CNTN1: variants seen among roughly 807,000 people sequenced by gnomAD.
CNTN1 encodes the protein contactin 1.
Under a neutral mutation model 126.4 loss-of-function variants are expected in CNTN1, and 38 were observed. The ratio of observed to expected loss-of-function variants is 0.30; its 90% CI spans 0.23 to 0.39. The LOEUF (loss-of-function observed/expected upper bound fraction) is 0.39, where lower values mean the gene tolerates loss of function less well. Among genes scored for constraint, CNTN1 ranks in the 10% least tolerant of loss-of-function variants. The probability of loss-of-function intolerance (pLI) is 1.00; values close to 1 mark genes in which losing one functional copy is unlikely to be tolerated. For synonymous variants in CNTN1, 413 were observed against 422.6 expected, an observed-to-expected ratio of 0.98 and a Z score of 0.28; for missense variants, 1,009 against 1,248.4, an observed-to-expected ratio of 0.81 and a Z score of 2.89.
Position 40,877,156 on chromosome 12 carries a change from C to T in CNTN1, c.-76-31201C>T, listed in dbSNP as rs185434284. Among the ~76,000 whole-genome samples the T allele has an allele frequency of 3.9e-5, 6 of 152,254 alleles. No homozygotes were observed. The East Asian group carries it at 9.7e-4, about 24-fold the overall frequency. ...ACCATCTGACAATTTGCTATTATAG[C>T]TAGACTAACATTAAGATTTAAGTAT... On this transcript the variant is annotated intron_variant, in intron 1 of 23. Coordinates refer to ENST00000551295, the MANE Select transcript of CNTN1 (RefSeq NM_001843.4).
At chr12:40,845,451 C>G (rs925230749) in intron 1 of CNTN1, among the ~76,000 whole-genome samples, 7 of 152,064 alleles carry the variant, frequency 4.6e-5, no homozygotes, top group African/African-American at 1.7e-4. Context: ...CAAAATTATA[C>G]TATTTATTGT....
At chr12:40,832,051 T>C (rs1941859625) in intron 1 of CNTN1, among the ~76,000 whole-genome samples, 1 of 152,284 alleles carries the variant, frequency 6.6e-6, no homozygotes, top group East Asian at 1.9e-4. Context: ...ATGGGTGGTG[T>C]AGTTGAGAAT....
At chr12:40,953,734 T>C (rs1180487082) in intron 14 of CNTN1, among the ~76,000 whole-genome samples, 1 of 152,034 alleles carries the variant, frequency 6.6e-6, no homozygotes, top group Non-Finnish European at 1.5e-5. Context: ...TAATATAATG[T>C]ATTCTAGGAT....
At chr12:40,819,008 C>A (rs1209277240) in intron 1 of CNTN1, among the ~76,000 whole-genome samples, 1 of 152,158 alleles carries the variant, frequency 6.6e-6, no homozygotes, top group African/African-American at 2.4e-5. Flanking sequence ...CCTGTGCCTG[C>A]AGATATGATT....
chr12:41,060,774 T>A (rs1366861901), intron 23 of CNTN1, among the ~76,000 whole-genome samples: 2 of 152,186 alleles, frequency 1.3e-5, no homozygotes, highest in African/African-American at 4.8e-5. Flanking sequence ...ATGAAACCCA[T>A]TATACATAAT....
chr12:40,922,877 A>G (rs967014187), intron 5 of CNTN1, among the ~76,000 whole-genome samples: 1 of 151,062 alleles, frequency 6.6e-6, no homozygotes, highest in African/African-American at 2.4e-5. Context: ...AGGCTGAGGC[A>G]GGAGAATTGA....
At chr12:40,851,488 C>G (rs1455357668) in intron 1 of CNTN1, among the ~76,000 whole-genome samples, 1 of 152,208 alleles carries the variant, frequency 6.6e-6, no homozygotes, top group African/African-American at 2.4e-5. Flanking sequence ...TCTGCTGGGA[C>G]ATCTATCTTT....
At chr12:41,017,099 T>A (rs1292157174) in intron 19 of CNTN1, among the ~76,000 whole-genome samples, 183 bp downstream of exon 19, 1 of 152,212 alleles carries the variant, frequency 6.6e-6, no homozygotes, top group African/African-American at 2.4e-5. Flanking sequence ...ATGATGAGAA[T>A]GTTGCTAGAG....
chr12:40,906,562 G>A (rs923566591), intron 1 of CNTN1, among the ~76,000 whole-genome samples: 1 of 151,922 alleles, frequency 6.6e-6, no homozygotes, highest in African/African-American at 2.4e-5. Flanking sequence ...TAATAGTATG[G>A]TGCAAGCAAT....
intron 1 of CNTN1, among the ~76,000 whole-genome samples, chr12:40,807,146 G>A (rs892708739): frequency 4.7e-4 from 72 of 151,940 alleles, no homozygotes; most frequent in African/African-American, 1.6e-3. Flanking sequence ...GGCTGGGATC[G>A]AGAAGCATAA....
chr12:40,991,139 C>T (rs1199242191), intron 16 of CNTN1, among the ~76,000 whole-genome samples: 26 of 152,124 alleles, frequency 1.7e-4, no homozygotes, highest in Admixed American at 1.7e-3. Context: ...AGGGCTGCAT[C>T]CTCTCCAAAG....
intron 1 of CNTN1, among the ~76,000 whole-genome samples, chr12:40,806,802 G>A (rs930484217): frequency 1.3e-5 from 2 of 152,134 alleles, no homozygotes; most frequent in African/African-American, 2.4e-5. Flanking sequence ...TAATGAGACA[G>A]TTTGTGTGCC....
At chr12:40,797,031 C>T (rs11615787) in intron 1 of CNTN1, among the ~76,000 whole-genome samples, 36,244 of 151,964 alleles carry the variant, frequency 0.24, 4,927 homozygotes, top group South Asian at 0.35. Flanking sequence ...GTTGTCAATT[C>T]CCCATCTTAT....
intron 1 of CNTN1, among the ~76,000 whole-genome samples, chr12:40,848,351 T>A (rs1340075681): frequency 6.6e-6 from 1 of 152,232 alleles, no homozygotes; most frequent in Non-Finnish European, 1.5e-5. Flanking sequence ...AAAATGGTAC[T>A]GTGCTCTAGG....
intron 23 of CNTN1, among the ~76,000 whole-genome samples, chr12:41,066,990 C>T (rs540423685): frequency 7.2e-5 from 11 of 152,166 alleles, no homozygotes; most frequent in Non-Finnish European, 1.0e-4. Context: ...TATGTGTTTA[C>T]TATATAACAC....
At chr12:40,699,623 T>G (rs1377448129) in intron 1 of CNTN1, among the ~76,000 whole-genome samples, 1 of 152,254 alleles carries the variant, frequency 6.6e-6, no homozygotes, top group Non-Finnish European at 1.5e-5. Context: ...TTCACTTTTC[T>G]TTATTTAATA....
intron 18 of CNTN1, among the ~76,000 whole-genome samples, chr12:41,016,433 A>G (rs1415303949): frequency 6.6e-6 from 1 of 152,118 alleles, no homozygotes; most frequent in Non-Finnish European, 1.5e-5. Flanking sequence ...GGCAGAAGAA[A>G]CTGAAAGGAA....
chr12:40,924,728 C>G lies in CNTN1; in HGVS notation c.496+76C>G, dbSNP rs1945576955. The G allele has an allele frequency of 3.8e-6, 3 of 780,620 alleles. No homozygotes were observed. The East Asian group carries it at 7.7e-5, about 20-fold the overall frequency. 48.4% of individuals were successfully genotyped at this position (780,620 alleles called of 1,614,324 possible). A position where few individuals can be genotyped will look rare whatever the true frequency, so the allele number is the denominator to read the frequency against. ...AGTTTCCATTTTCTTAGTAATAATG[C>G]TACATTATTAATAATCATGGCTTAT... is the stretch of plus-strand genomic sequence containing the variant. On this transcript the variant is annotated intron_variant, in intron 6 of 23. Transcript: ENST00000551295.
At chr12:40,783,918 T>G (rs1371722442) in intron 1 of CNTN1, among the ~76,000 whole-genome samples, 1 of 152,166 alleles carries the variant, frequency 6.6e-6, no homozygotes, top group African/African-American at 2.4e-5. Flanking sequence ...TTAATTTCTT[T>G]ATACTGACCA....
Sources: gnomAD v4.1 joint callset for allele counts (sites outside exome capture counted in the v4.1 genomes callset) on GRCh38, gnomAD v4.1.1 for gene constraint, MANE v1.5 for transcripts, NCBI Gene and HGNC (gene_info 2026-07-23, HGNC 2026-07-21) for gene names.